The following ADGRL3 variants were observed in gnomAD, a reference collection of about 807,000 sequenced individuals.
ADGRL3 encodes the protein calcium-independent alpha-latrotoxin receptor 3.
A neutral mutation model predicts 153.5 loss-of-function variants in ADGRL3; 62 were observed. The observed-to-expected ratio is 0.40, with a 90% confidence interval of 0.33 to 0.50. The LOEUF is 0.50. Ranked by LOEUF, ADGRL3 falls within the 20% of genes least tolerant of loss-of-function variation. ADGRL3 has a pLI of 0.47. For synonymous variants in ADGRL3, 710 were observed against 672.5 expected, an observed-to-expected ratio of 1.06 and a Z score of -0.86; for missense variants, 1,641 against 1,859.4, an observed-to-expected ratio of 0.88 and a Z score of 2.16.
At chr4:61,537,013 C>G (rs1468573447) in intron 4 of ADGRL3, among the ~76,000 whole-genome samples, 1 of 151,950 alleles carries the variant, frequency 6.6e-6, no homozygotes, top group Non-Finnish European at 1.5e-5. Flanking sequence ...TATGTTAGTG[C>G]ATATTATCCT....
At chr4:61,676,163 A>T (rs978913138) in intron 5 of ADGRL3, among the ~76,000 whole-genome samples, 2 of 151,932 alleles carry the variant, frequency 1.3e-5, no homozygotes. Flanking sequence ...TCATTATTTT[A>T]TAAGATTTTG....
At chr4:61,257,090 G>A (rs944537668) in intron 1 of ADGRL3, among the ~76,000 whole-genome samples, 1 of 152,050 alleles carries the variant, frequency 6.6e-6, no homozygotes, top group Non-Finnish European at 1.5e-5. Context: ...GATAAATCTT[G>A]CCCATAGTTC....
intron 6 of ADGRL3, among the ~76,000 whole-genome samples, chr4:61,680,711 A>C (rs1274236253): frequency 6.6e-6 from 1 of 152,050 alleles, no homozygotes; most frequent in Non-Finnish European, 1.5e-5. Context: ...GTCAAATGGT[A>C]CGACTTTTAA....
chr4:61,722,984 G>T (rs1002195001), intron 6 of ADGRL3, among the ~76,000 whole-genome samples: 1 of 152,064 alleles, frequency 6.6e-6, no homozygotes, highest in Non-Finnish European at 1.5e-5. Context: ...TGGATGTATA[G>T]AACCCAGTAA....
chr4:61,370,699 A>G (rs1457904670), intron 1 of ADGRL3, among the ~76,000 whole-genome samples: 1 of 151,664 alleles, frequency 6.6e-6, no homozygotes, highest in Non-Finnish European at 1.5e-5. Context: ...AAAAAAATGT[A>G]TATTCTGTTG....
chr4:61,441,857 AT>A (rs2097532211), intron 2 of ADGRL3, among the ~76,000 whole-genome samples: 1 of 152,202 alleles, frequency 6.6e-6, no homozygotes, highest in Admixed American at 6.5e-5. Context: ...TGTTCATAAT[AT>A]TCTTTTCAAA....
intron 8 of ADGRL3, among the ~76,000 whole-genome samples, chr4:61,780,058 A>T (rs1284189201): frequency 2.0e-5 from 3 of 152,210 alleles, no homozygotes; most frequent in African/African-American, 7.2e-5. Context: ...TTGAATTTGT[A>T]TCTTAGCATG....
rs562216304 is a variant in ADGRL3, at chr4:61,232,469, C to T, written c.-240+30704C>T. ...GATTACAGGCATGCACCACCACACC[C>T]GACTAATTTTTGTATTTTTAGTAGA... On this transcript the variant is annotated intron_variant, in intron 1 of 26. Coordinates refer to ENST00000683033, the MANE Select transcript of ADGRL3 (RefSeq NM_001387552.1). 1.5e-3 allele frequency among the ~76,000 whole-genome samples: 229 copies of T among 151,936 alleles called. 1 individual carries two copies. Among genetic ancestry groups the T allele is most frequent in the African/African-American group, 4.8e-3 (198 of 41,472 alleles).
chr4:61,739,967 T>C (rs1372117472), intron 8 of ADGRL3, among the ~76,000 whole-genome samples: 1 of 152,212 alleles, frequency 6.6e-6, no homozygotes, highest in Admixed American at 6.5e-5. Context: ...TTGAAGAAAA[T>C]GGAAAATATA....
chr4:61,398,679 G>A (rs113172557), intron 2 of ADGRL3, among the ~76,000 whole-genome samples: 57 of 150,730 alleles, frequency 3.8e-4, no homozygotes, highest in African/African-American at 1.3e-3. Context: ...GGAACCTCTG[G>A]TTTACAATGT....
rs188933415 is a variant in ADGRL3 at position 61,401,999 on chromosome 4, G to A, written c.-174+18810G>A. On this transcript the variant is annotated intron_variant, in intron 2 of 26. Coordinates refer to ENST00000683033, the MANE Select transcript of ADGRL3 (RefSeq NM_001387552.1). ...CTCAGCTTCCCTGTTGTAGTGCAAAGGCAGCTTTAGTCAATAAGTAAACAA... is the reference window on the plus strand; with the variant it reads ...CTCAGCTTCCCTGTTGTAGTGCAAAAGCAGCTTTAGTCAATAAGTAAACAA... Among the ~76,000 whole-genome samples the A allele has an allele frequency of 1.8e-3, 274 of 152,146 alleles. 2 individuals are homozygous for A. Among genetic ancestry groups the A allele is most frequent in the African/African-American group, 6.4e-3 (265 of 41,546 alleles).
chr4:61,470,971 C>T (rs2097944837), intron 2 of ADGRL3, among the ~76,000 whole-genome samples: 1 of 151,794 alleles, frequency 6.6e-6, no homozygotes, highest in South Asian at 2.1e-4. Context: ...TTGACAGTCA[C>T]TTTTTTAAAT....
At chr4:61,541,600 C>T (rs1439720347) in intron 4 of ADGRL3, among the ~76,000 whole-genome samples, 1 of 151,990 alleles carries the variant, frequency 6.6e-6, no homozygotes, top group African/African-American at 2.4e-5. Flanking sequence ...AAAGTTGCTA[C>T]TAAGAAAGCC....
intron 2 of ADGRL3, among the ~76,000 whole-genome samples, chr4:61,450,818 G>A (rs990600843): frequency 2.6e-5 from 4 of 151,932 alleles, no homozygotes; most frequent in African/African-American, 9.7e-5. Context: ...AGAACCACGT[G>A]AAAAATATTC....
chr4:61,227,154 A>C (rs1748358531), intron 1 of ADGRL3, among the ~76,000 whole-genome samples: 1 of 152,176 alleles, frequency 6.6e-6, no homozygotes, highest in African/African-American at 2.4e-5. Context: ...TGTCTTCATA[A>C]AAATGTCTGC....
At chr4:61,973,046 T>G (rs901752143) in intron 17 of ADGRL3, among the ~76,000 whole-genome samples, 18 of 152,046 alleles carry the variant, frequency 1.2e-4, no homozygotes, top group African/African-American at 4.3e-4. Context: ...CACAATTAAT[T>G]TGTATAGTTT....
chr4:61,364,617 C>A lies in ADGRL3; in HGVS notation c.-239-18507C>A, dbSNP rs190814790. On this transcript the variant is annotated intron_variant, in intron 1 of 26. Coordinates refer to ENST00000683033, the MANE Select transcript of ADGRL3 (RefSeq NM_001387552.1). Reference sequence around the variant, plus strand: ...AAATAGCACACTGTCTAGAAAACAGCAGATTTAGAATAACTATTGTAAGAT... The same window carrying A: ...AAATAGCACACTGTCTAGAAAACAGAAGATTTAGAATAACTATTGTAAGAT... 2.4e-4 allele frequency among the ~76,000 whole-genome samples: 36 copies of A among 152,038 alleles called. No individual in the cohort carries two copies. The South Asian group carries it at 3.3e-3, about 14-fold the overall frequency.
chr4:61,317,704 CAG>C (rs1196076691), intron 1 of ADGRL3, among the ~76,000 whole-genome samples: 2 of 152,108 alleles, frequency 1.3e-5, no homozygotes, highest in Admixed American at 1.3e-4. Context: ...GAAGGAAAGA[CAG>C]AGGCTGAAGA....
Position 62,072,871 on chromosome 4 carries a change from C to G in ADGRL3, c.*1963C>G, listed in dbSNP as rs1014971120. On this transcript the variant is annotated 3_prime_UTR_variant, in exon 27 of 27. Coordinates refer to ENST00000683033, the MANE Select transcript of ADGRL3 (RefSeq NM_001387552.1). ...TAGAAATTCAAATTCCCTCAATTTG[C>G]TAAAAGCTGCAAAGAGAATATTCAT... 1 of 152,078 alleles carries G rather than the reference C, an allele frequency of 6.6e-6. No homozygotes were observed. Among genetic ancestry groups the G allele is most frequent in the African/African-American group, 2.4e-5 (1 of 41,428 alleles). 9.4% of individuals were successfully genotyped at this position (152,078 alleles called of 1,614,324 possible).
Sources: allele counts gnomAD v4.1 joint callset (sites outside exome capture counted in the v4.1 genomes callset), GRCh38; gene constraint gnomAD v4.1.1; transcripts MANE v1.5; gene names NCBI Gene and HGNC (gene_info 2026-07-23, HGNC 2026-07-21).